The following ROS1 variants were observed in gnomAD, a reference collection of about 807,000 sequenced individuals.
The protein encoded by ROS1 is proto-oncogene tyrosine-protein kinase ROS.
Under a neutral mutation model 273.5 loss-of-function variants are expected in ROS1, and 263 were observed. The observed-to-expected ratio is 0.96, with a 90% CI of 0.87 to 1.06. The LOEUF (loss-of-function observed/expected upper bound fraction) is 1.06, where lower values mean the gene tolerates loss of function less well. Among genes scored for constraint, ROS1 ranks in the 50% least tolerant of loss-of-function variants. The probability of loss-of-function intolerance (pLI) is 0.00; values close to 1 mark genes in which losing one functional copy is unlikely to be tolerated. For synonymous variants in ROS1, 1,008 were observed against 954.1 expected, an observed-to-expected ratio of 1.06 and a Z score of -1.04; for missense variants, 2,833 against 2,751.1, an observed-to-expected ratio of 1.03 and a Z score of -0.67.
At position 117,385,638 on chromosome 6, in the gene ROS1, A is replaced by G. The variant is rs553218278; in HGVS notation, c.2289+45T>C. 1.3e-5 allele frequency: 21 copies of G among 1,563,430 alleles called. 1 individual carries two copies. The South Asian group carries it at 2.0e-4, about 15-fold the overall frequency. The stretch of plus-strand genomic sequence containing the variant: ...ATTGGTGTGCAAGTCACTGAAGTGG[A>G]TAAGTATCATTCTAGAGCATCCAGA... On this transcript the variant is annotated intron_variant, in intron 16 of 43. Coordinates refer to ENST00000368507, the MANE Select transcript of ROS1 (RefSeq NM_001378902.1).
At chr6:117,324,528 C>A (rs1041402489) in intron 34 of ROS1, 113 bp from the exon 35 acceptor site, 2 of 579,620 alleles carry the variant, frequency 3.5e-6, no homozygotes, top group Non-Finnish European at 6.1e-6. Flanking sequence ...TGGATTTTTG[C>A]AAGCCAGTTG....
chr6:117,364,584 A>G (rs1780052109), intron 21 of ROS1, among the ~76,000 whole-genome samples: 1 of 152,252 alleles, frequency 6.6e-6, no homozygotes, highest in African/African-American at 2.4e-5. Context: ...GATACATAAA[A>G]ATGTGTTTTG....
rs533280818 is a variant in ROS1, at chr6:117,293,987, G to C, written c.6716-5185C>G. Among the ~76,000 whole-genome samples, 185 of 152,204 alleles carry C rather than the reference G, an allele frequency of 1.2e-3. 3 individuals are homozygous for C. The South Asian group carries it at 0.035, about 29-fold the overall frequency. ...GTAAGATTTATCCCAGGTATGCAAG[G>C]ATAGTTCAACAAATGTGTATATGTT... On this transcript the variant is annotated intron_variant, in intron 43 of 43. Coordinates refer to ENST00000368507, the MANE Select transcript of ROS1 (RefSeq NM_001378902.1).
intron 12 of ROS1, among the ~76,000 whole-genome samples, chr6:117,392,542 AC>A (rs1773150249): frequency 6.6e-6 from 1 of 152,216 alleles, no homozygotes. Flanking sequence ...TTCACAAAAT[AC>A]ATGCACAATA....
Position 117,321,363 on chromosome 6 carries a change from A to T in ROS1, c.5655T>A (p.Ser1885Arg), listed in dbSNP as rs1215308837. The change falls in exon 36 of 44, where the codon AGT (serine) becomes AGA (arginine). Residue 1885 changes from serine to arginine, a missense_variant. Transcript: ENST00000368507. Reference sequence around the variant, plus strand: ...TAAGCACTGTCACCCCTTCCTTGGCACTTTTTTGATTCTTTAATCTTCTAT... The same window carrying T: ...TAAGCACTGTCACCCCTTCCTTGGCTCTTTTTTGATTCTTTAATCTTCTAT... ...VWHRRLKNQK[S>R]AKEGVTVLIN... is the part of the protein sequence containing the mutation. The T allele has an allele frequency of 3.1e-6, 5 of 1,612,880 alleles. No homozygotes were observed. Among genetic ancestry groups the T allele is most frequent in the Non-Finnish European group, 4.2e-6 (5 of 1,179,590 alleles).
chr6:117,349,134 G>A (rs766957553), intron 27 of ROS1, among the ~76,000 whole-genome samples: 5 of 151,808 alleles, frequency 3.3e-5, no homozygotes, highest in Non-Finnish European at 7.4e-5. Context: ...TATCCTTAGT[G>A]ATTTTTTTTC....
At chr6:117,420,743 ATACT>A (rs1775690237) in intron 1 of ROS1, among the ~76,000 whole-genome samples, 1 of 152,180 alleles carries the variant, frequency 6.6e-6, no homozygotes, top group African/African-American at 2.4e-5. Context: ...AAGTAGGATA[ATACT>A]TAATTCATAA....
intron 26 of ROS1, among the ~76,000 whole-genome samples, chr6:117,354,573 T>C (rs72963588): frequency 0.25 from 37,329 of 151,900 alleles, 4,741 homozygotes; most frequent in Admixed American, 0.36. Flanking sequence ...AGTAGCAGGG[T>C]TTTTTAAAGA....
chr6:117,309,923 C>G (rs1028993870), intron 41 of ROS1, among the ~76,000 whole-genome samples, 158 bp downstream of exon 41: 7 of 152,062 alleles, frequency 4.6e-5, no homozygotes, highest in African/African-American at 1.7e-4. Flanking sequence ...AATAGTACCA[C>G]CTTGACCACC....
intron 7 of ROS1, among the ~76,000 whole-genome samples, chr6:117,399,177 G>C (rs1773749730): frequency 6.6e-6 from 1 of 152,204 alleles, no homozygotes; most frequent in Non-Finnish European, 1.5e-5. Flanking sequence ...ATGTGAGCTT[G>C]CTTATCCAGG....
intron 1 of ROS1, among the ~76,000 whole-genome samples, chr6:117,424,257 A>G (rs1024359016): frequency 5.3e-5 from 8 of 152,010 alleles, no homozygotes; most frequent in Admixed American, 2.0e-4. Flanking sequence ...GAAAACTCAC[A>G]ATACAATGTA....
intron 7 of ROS1, among the ~76,000 whole-genome samples, chr6:117,400,889 C>T (rs564637951): frequency 6.6e-6 from 1 of 152,344 alleles, no homozygotes; most frequent in South Asian, 2.1e-4. Context: ...CTTACCTCCT[C>T]AGTTCCAAAT....
At chr6:117,358,646 G>A (rs1343182798) in intron 24 of ROS1, among the ~76,000 whole-genome samples, 1 of 152,040 alleles carries the variant, frequency 6.6e-6, no homozygotes, top group Non-Finnish European at 1.5e-5. Flanking sequence ...TTTTAGTAGA[G>A]ACAGGGTTTC....
chr6:117,341,172 T>C lies in ROS1; in HGVS notation c.5024A>G (p.Asn1675Ser). 1 of 1,613,084 alleles carries C rather than the reference T, an allele frequency of 6.2e-7. No homozygotes were observed. The highest frequency in any genetic ancestry group is 8.5e-7 in the Non-Finnish European group (1 of 1,179,450). The change falls in exon 31 of 44, where the codon AAT (asparagine) becomes AGT (serine). Residue 1675 changes from asparagine (N) to serine (S), a missense_variant. Transcript: ENST00000368507. ...SLQFNWKAPL[N>S]VNLIRFWVEL... is the part of the protein sequence containing the mutation. ...AACCCAAAATCTGATGAGGTTAACA[T>C]TCAATGGAGCCTTCCAATTAAATTG...
Position 117,394,668 on chromosome 6 carries a change from T to C in ROS1, c.954A>G (p.Leu318=), listed in dbSNP as rs759283402. The C allele has an allele frequency of 5.0e-6, 8 of 1,611,760 alleles. No homozygotes were observed. Among genetic ancestry groups the C allele is most frequent in the South Asian group, 2.2e-5 (2 of 90,904 alleles). ...ACCGAAGGCAATGTGCTTCATCTACTAAATGTTTTAAAGATCTCTTTCTTA... is the reference window on the plus strand; with the variant it reads ...ACCGAAGGCAATGTGCTTCATCTACCAAATGTTTTAAAGATCTCTTTCTTA... ...TSLRKRSLKH[L]VDEAHCLRLD... Residue 318 remains leucine (L), a synonymous_variant, in exon 10 of 44, where the codon TTA becomes TTG. Transcript: ENST00000368507.
chr6:117,393,830 G>A (rs1773270875), intron 11 of ROS1, among the ~76,000 whole-genome samples: 1 of 152,126 alleles, frequency 6.6e-6, no homozygotes, highest in Admixed American at 6.6e-5. Context: ...TTAAATGCTT[G>A]CAGCTAACTT....
chr6:117,398,225 A>G (rs1385257454), intron 7 of ROS1, among the ~76,000 whole-genome samples: 1 of 152,168 alleles, frequency 6.6e-6, no homozygotes, highest in East Asian at 1.9e-4. Context: ...AAGCAAGTTA[A>G]ATGTCACCTA....
chr6:117,308,978 G>T (rs1420045273), intron 41 of ROS1, 50 bp from the exon 42 acceptor site: 1 of 1,553,960 alleles, frequency 6.4e-7, no homozygotes, highest in African/African-American at 1.4e-5. Context: ...CAAACACCAG[G>T]TTTACAGTAG....
At chr6:117,291,434 A>G (rs781114369) in intron 43 of ROS1, among the ~76,000 whole-genome samples, 1 of 152,200 alleles carries the variant, frequency 6.6e-6, no homozygotes, top group Non-Finnish European at 1.5e-5. Flanking sequence ...AGCAGGTCAT[A>G]AGTAATCATT....
Sources: allele counts gnomAD v4.1 joint callset (sites outside exome capture counted in the v4.1 genomes callset), GRCh38; gene constraint gnomAD v4.1.1; transcripts MANE v1.5; gene names NCBI Gene and HGNC (gene_info 2026-07-23, HGNC 2026-07-21).